Variants in C3 observed in about 807,000 individuals in gnomAD.
C3 encodes complement C3.
C3 carries 97 observed loss-of-function variants against 207.9 expected under a neutral mutation model. That is an observed-to-expected ratio of 0.47 (90% CI 0.40 to 0.55). The LOEUF is 0.55. Ranked by LOEUF, C3 falls within the 20% of genes least tolerant of loss-of-function variation. C3 has a pLI of 0.00. For synonymous variants in C3, 848 were observed against 857.6 expected, an observed-to-expected ratio of 0.99 and a Z score of 0.20; for missense variants, 1,684 against 2,171.7, an observed-to-expected ratio of 0.78 and a Z score of 4.46.
intron 39 of C3, 25 bp downstream of exon 39, chr19:6,678,347 C>G (rs1410636026): frequency 1.2e-6 from 2 of 1,613,964 alleles, no homozygotes; most frequent in Admixed American, 3.3e-5. Flanking sequence ...GGAAGAGCCA[C>G]GGGAGGCAGC....
At position 6,710,717 on chromosome 19, in the gene C3, C is replaced by T. The variant is rs781333243; in HGVS notation, c.1608G>A (p.Thr536=). Residue 536 remains threonine, a synonymous_variant, in exon 13 of 41, where the codon ACG becomes ACA. Transcript: ENST00000245907. The part of the protein sequence containing the change: ...IPSFRLVAYY[T]LIGASGQREV... ...CCCTCTGGCCGCTGGCACCGATCAG[C>T]GTGTAGTACGCCACCAGGCGGAAGG... 14 of 1,613,674 alleles carry T rather than the reference C, an allele frequency of 8.7e-6. No homozygotes were observed. Among genetic ancestry groups the T allele is most frequent in the South Asian group, 2.2e-5 (2 of 91,090 alleles).
Position 6,719,139 on chromosome 19 carries a change from G to A in C3, c.267+72C>T. On this transcript the variant is annotated intron_variant, in intron 2 of 40. Transcript: ENST00000245907. The surrounding 1 kb of genome is among the most constrained non-coding windows in gnomAD (Gnocchi z 5.4). ...TAGAAAGGGAGAAGACAGAAGGGGA[G>A]GGGCTCAGGAGGAGGGGGGGAGTGG... The A allele has an allele frequency of 7.5e-7, 1 of 1,324,894 alleles. No homozygotes were observed. The highest frequency in any genetic ancestry group is 1.2e-5 in the South Asian group (1 of 85,254). The allele number at this position is 1,324,894 out of a possible 1,614,324, so 82.1% of individuals were successfully genotyped here.
Position 6,684,418 on chromosome 19 carries a change from T to C in C3, c.4142A>G (p.Lys1381Arg), listed in dbSNP as rs1232402436. 3.1e-6 allele frequency: 5 copies of C among 1,614,052 alleles called. No individual in the cohort carries two copies. Among genetic ancestry groups the C allele is most frequent in the Admixed American group, 1.7e-5 (1 of 60,028 alleles). Residue 1381 changes from lysine (K) to arginine (R), a missense_variant, in exon 33 of 41, where the codon AAG becomes AGG. Lys to Arg is a conservative substitution (Grantham distance 26). Transcript: ENST00000245907. ...PETEKRPQDAKNTMILEICTR... is the reference protein window; with the variant it reads ...PETEKRPQDARNTMILEICTR... ...ACAGATCTCAAGGATCATAGTGTTC[T>C]TGGCATCCTGAGGCCTCTTTTCTAG...
intron 14 of C3, among the ~76,000 whole-genome samples, 166 bp downstream of exon 14, chr19:6,709,518 C>T (rs1967858545): frequency 6.6e-6 from 1 of 152,136 alleles, no homozygotes; most frequent in East Asian, 1.9e-4. Context: ...CATGTCCAAC[C>T]TCATTCCCAT....
At position 6,719,616 on chromosome 19, in the gene C3, C is replaced by T. The variant is rs2270521; in HGVS notation, c.75-213G>A. On this transcript the variant is annotated intron_variant, in intron 1 of 40. Coordinates refer to ENST00000245907, the MANE Select transcript of C3 (RefSeq NM_000064.4). This position sits in a 1 kb window ranked among gnomAD's most constrained non-coding sequence, Gnocchi z 5.4. ...AGGACAGCAGCCACCATGACTCCCA[C>T]TCTCAGCCAGCTGGGCCTGGCCTTT... 0.029 allele frequency among the ~76,000 whole-genome samples: 4,484 copies of T among 152,070 alleles called. 182 individuals are homozygous for T. The highest frequency in any genetic ancestry group is 0.089 in the African/African-American group (3,685 of 41,410).
At position 6,711,189 on chromosome 19, in the gene C3, G is replaced by A. The variant is rs750670528; in HGVS notation, c.1277C>T (p.Thr426Met). The A allele has an allele frequency of 1.9e-6, 3 of 1,612,192 alleles. No individual in the cohort carries two copies. The highest frequency in any genetic ancestry group is 1.3e-5 in the African/African-American group (1 of 74,864). Residue 426 changes from threonine to methionine, a missense_variant, in exon 12 of 41, where the codon ACG (threonine) becomes ATG (methionine). Thr to Met is a moderately conservative substitution (Grantham distance 81). Transcript: ENST00000245907. ...SQKPLSITVR[T>M]KKQELSEAEQ... ...TGCCTCCGAGAGCTCCTGCTTCTTC[G>A]TGCGCACCTGGGTGGGGAAAGAGGG... is the stretch of plus-strand genomic sequence containing the variant.
chr19:6,713,358 A>G (rs1331181949), intron 8 of C3, 43 bp from the exon 9 acceptor site: 10 of 1,613,764 alleles, frequency 6.2e-6, no homozygotes, highest in Non-Finnish European at 8.5e-6. Flanking sequence ...GCGGGCTCAG[A>G]GGTGGCGGGG....
At position 6,714,209 on chromosome 19, in the gene C3, T is replaced by G; in HGVS notation, c.639A>C (p.Ser213=). Residue 213 remains serine, a synonymous_variant, in exon 6 of 41, where the codon TCA becomes TCC. Coordinates refer to ENST00000245907, the MANE Select transcript of C3 (RefSeq NM_000064.4). The part of the protein sequence containing the change: ...QWKIRAYYEN[S]PQQVFSTEFE... ...ACTCAGTGGAGAAGACCTGCTGTGG[T>G]GAGTTTTCATAGTAGGCTCGGATCT... 6.2e-7 allele frequency: 1 copy of G among 1,613,668 alleles called. No individual in the cohort carries two copies. The highest frequency in any genetic ancestry group is 1.6e-4 in the Middle Eastern group (1 of 6,062).
intron 26 of C3, 47 bp from the exon 27 acceptor site, chr19:6,690,774 C>A (rs751000480): frequency 7.0e-7 from 1 of 1,425,408 alleles, no homozygotes; most frequent in South Asian, 1.2e-5. Flanking sequence ...GGTGTGTCCA[C>A]ACATGGCAGT....
chr19:6,679,253 T>C (rs1917796336), intron 37 of C3, 45 bp from the exon 38 acceptor site: 1 of 1,549,858 alleles, frequency 6.5e-7, no homozygotes, highest in East Asian at 2.2e-5. Flanking sequence ...ACTCCTTATC[T>C]GGGGCCTACT....
At chr19:6,690,490 C>G in intron 27 of C3, 139 bp downstream of exon 27, 1 of 729,028 alleles carries the variant, frequency 1.4e-6, no homozygotes, top group Non-Finnish European at 2.5e-6. Context: ...AAGATGTTAG[C>G]TATTAACATG....
intron 4 of C3, chr19:6,717,435 C>T (rs1014269508): frequency 6.8e-5 from 12 of 175,282 alleles, no homozygotes; most frequent in South Asian, 3.7e-4. Flanking sequence ...TGTGTGTGCG[C>T]GCCATATGGT....
In C3 at chr19:6,710,837, G is replaced by A; in HGVS notation, c.1488C>T (p.Asn496=). The change falls in exon 13 of 41, where the codon AAC becomes AAT. Residue 496 remains asparagine (N), a synonymous_variant. Transcript: ENST00000245907. The part of the protein sequence containing the change: ...KIRYYTYLIM[N]KGRLLKAGRQ... ...GTCCCGCCTTCAACAGCCTGCCCTT[G>A]TTCATGATCTGGGGGGACAGGCTGG... 6.2e-7 allele frequency: 1 copy of A among 1,613,782 alleles called. No individual in the cohort carries two copies. Among genetic ancestry groups the A allele is most frequent in the Non-Finnish European group, 8.5e-7 (1 of 1,179,788 alleles).
chr19:6,692,501 T>C (rs11569494), intron 26 of C3, among the ~76,000 whole-genome samples: 16,026 of 151,968 alleles, frequency 0.11, 1,021 homozygotes, highest in Non-Finnish European at 0.13. Context: ...CAGGAGGTGG[T>C]TTCTACAAGG....
In C3 at chr19:6,690,745, A is replaced by G; in HGVS notation, c.3391-18T>C. On this transcript the variant is annotated intron_variant, in intron 26 of 40. Coordinates refer to ENST00000245907, the MANE Select transcript of C3 (RefSeq NM_000064.4). ...AATCCACCCTGAGATAGAGAGCAGA[A>G]AGCAAGGATGGGGTCACCGGTGTGT... 6.3e-7 allele frequency: 1 copy of G among 1,599,940 alleles called. No homozygotes were observed. Among genetic ancestry groups the G allele is most frequent in the South Asian group, 1.1e-5 (1 of 90,762 alleles).
Position 6,711,276 on chromosome 19 carries a change from G to A in C3, c.1270-80C>T, listed in dbSNP as rs1967919145. Reference sequence around the variant, plus strand: ...GAATCCCTGAGACCTGGGAATTGGTGGCCTTTCTTAACAAAAGGGGCTTTG... The same window carrying A: ...GAATCCCTGAGACCTGGGAATTGGTAGCCTTTCTTAACAAAAGGGGCTTTG... On this transcript the variant is annotated intron_variant, in intron 11 of 40. Coordinates refer to ENST00000245907, the MANE Select transcript of C3 (RefSeq NM_000064.4). 4.1e-6 allele frequency: 5 copies of A among 1,205,120 alleles called. No homozygotes were observed. The East Asian group carries it at 1.2e-4, about 28-fold the overall frequency. The allele number at this position is 1,205,120 out of a possible 1,614,324, so 74.7% of individuals were successfully genotyped here.
chr19:6,711,305 A>T (rs921312590), intron 11 of C3, 109 bp from the exon 12 acceptor site: 1 of 825,952 alleles, frequency 1.2e-6, no homozygotes, highest in Admixed American at 2.0e-5. Context: ...GGCTTTGCAG[A>T]TGGGATTAAG....
chr19:6,678,990 T>G, intron 38 of C3, 135 bp downstream of exon 38: 1 of 736,886 alleles, frequency 1.4e-6, no homozygotes. Context: ...CCCCTCACAA[T>G]ACATGCTCTC....
chr19:6,686,541 A>C, intron 28 of C3: 1 of 741,526 alleles, frequency 1.3e-6, no homozygotes, highest in Non-Finnish European at 2.4e-6. Context: ...GTGGTTTACA[A>C]TGAGGACCTG....
Sources: gnomAD v4.1 joint callset for allele counts (sites outside exome capture counted in the v4.1 genomes callset) on GRCh38, gnomAD v4.1.1 for gene constraint, Gnocchi (gnomAD v3.1) non-coding constraint, MANE v1.5 for transcripts, NCBI Gene and HGNC (gene_info 2026-07-23, HGNC 2026-07-21) for gene names.